KDM4C: variants seen among roughly 807,000 people sequenced by gnomAD.
KDM4C encodes lysine demethylase 4C, also known as lysine-specific demethylase 4C.
In KDM4C, 81 loss-of-function variants were observed where a neutral mutation model predicts 129.3. The ratio of observed to expected loss-of-function variants is 0.63; its 90% CI spans 0.52 to 0.75. KDM4C has a LOEUF of 0.75. Ranked by LOEUF, KDM4C falls within the 30% of genes least tolerant of loss-of-function variation. KDM4C has a pLI of 0.00. For synonymous variants in KDM4C, 573 were observed against 456.1 expected, an observed-to-expected ratio of 1.26 and a Z score of -3.26; for missense variants, 1,457 against 1,304.0, an observed-to-expected ratio of 1.12 and a Z score of -1.81.
chr9:6,883,816 G>A (rs1205610338), intron 6 of KDM4C, among the ~76,000 whole-genome samples: 2 of 152,092 alleles, frequency 1.3e-5, no homozygotes, highest in African/African-American at 4.8e-5. Flanking sequence ...TGATCCCAAT[G>A]TTCTTGGCTT....
chr9:6,850,770 T>C (rs1838696035), intron 5 of KDM4C, among the ~76,000 whole-genome samples: 6 of 151,554 alleles, frequency 4.0e-5, no homozygotes, highest in Admixed American at 3.9e-4. Flanking sequence ...TATTTATTTT[T>C]TCGAGACAGG....
intron 2 of KDM4C, among the ~76,000 whole-genome samples, chr9:6,804,545 G>C (rs1829615690): frequency 3.3e-5 from 5 of 151,900 alleles, no homozygotes; most frequent in Admixed American, 3.3e-4. Flanking sequence ...GGATCATGAG[G>C]TCAGGAGTTC....
chr9:6,814,641 C>T lies in KDM4C; in HGVS notation c.331C>T (p.Pro111Ser). Residue 111 changes from proline to serine, a missense_variant, in exon 4 of 22, where the codon CCA becomes TCA. Physicochemically the swap from Pro to Ser is moderately conservative, Grantham distance 74. Coordinates refer to ENST00000381309, the MANE Select transcript of KDM4C (RefSeq NM_015061.6). Reference protein sequence around the residue: ...QLANSGKYCTPRYLDYEDLER... With the variant: ...QLANSGKYCTSRYLDYEDLER... The stretch of plus-strand genomic sequence containing the variant: ...ATCTACCTTTTACAGATATTGTACT[C>T]CAAGATACTTGGATTACGAAGATTT... The T allele has an allele frequency of 6.2e-7, 1 of 1,601,116 alleles. No individual in the cohort carries two copies. The highest frequency in any genetic ancestry group is 8.5e-7 in the Non-Finnish European group (1 of 1,172,760).
At chr9:6,980,069 C>G (rs1364788259) in intron 8 of KDM4C, among the ~76,000 whole-genome samples, 1 of 152,082 alleles carries the variant, frequency 6.6e-6, no homozygotes, top group African/African-American at 2.4e-5. Flanking sequence ...CTTATTGTGT[C>G]AAAACTGTTC....
intron 19 of KDM4C, among the ~76,000 whole-genome samples, chr9:7,145,162 CATT>C (rs1353552351): frequency 2.1e-5 from 3 of 144,772 alleles, no homozygotes; most frequent in African/African-American, 7.7e-5. Context: ...AGGAAGCTGA[CATT>C]ATAGAGTTAA....
chr9:6,947,335 A>G lies in KDM4C; in HGVS notation c.922-33590A>G, dbSNP rs548786395. The stretch of plus-strand genomic sequence containing the variant: ...GAGAAACTGAACATTTCTCATCTTT[A>G]GTAGTCATTTTATGTTTTTAAAATT... On this transcript the variant is annotated intron_variant, in intron 8 of 21. Transcript: ENST00000381309. Among the ~76,000 whole-genome samples the G allele has an allele frequency of 2.0e-5, 3 of 152,250 alleles. No homozygotes were observed. In the East Asian group the frequency reaches 5.8e-4, roughly 29 times the overall value.
At chr9:6,834,336 G>A (rs1835461463) in intron 4 of KDM4C, 1 of 300,148 alleles carries the variant, frequency 3.3e-6, no homozygotes, top group Non-Finnish European at 6.6e-6. Context: ...CCATCTGGCC[G>A]ATAGTCTCTT....
At chr9:7,001,551 G>A (rs972506497) in intron 12 of KDM4C, among the ~76,000 whole-genome samples, 2 of 152,196 alleles carry the variant, frequency 1.3e-5, no homozygotes, top group Non-Finnish European at 2.9e-5. Flanking sequence ...CCTTATTTCT[G>A]TATGCTCCCC....
intron 8 of KDM4C, among the ~76,000 whole-genome samples, chr9:6,903,641 G>C (rs1244255870): frequency 6.6e-6 from 1 of 152,192 alleles, no homozygotes; most frequent in African/African-American, 2.4e-5. Context: ...CAATGATATA[G>C]GAATCATTGA....
At chr9:6,779,896 G>A (rs1182405769) in intron 1 of KDM4C, among the ~76,000 whole-genome samples, 1 of 152,072 alleles carries the variant, frequency 6.6e-6, no homozygotes, top group African/African-American at 2.4e-5. Context: ...TTGGTTCATT[G>A]GTGTAATCTT....
rs374244294 is a variant in KDM4C at position 7,128,234 on chromosome 9, G to C, written c.2779G>C (p.Val927Leu). 6.3e-7 allele frequency: 1 copy of C among 1,575,700 alleles called. No individual in the cohort carries two copies. Among genetic ancestry groups the C allele is most frequent in the Non-Finnish European group, 8.6e-7 (1 of 1,159,558 alleles). Reference protein sequence around the residue: ...FSRDTFPEDIVSRDCLKLGPP... With the variant: ...FSRDTFPEDILSRDCLKLGPP... ...CAGAGACACATTTCCTGAGGATATC[G>C]TGGTAAGTAGGCTTCCTTGAGTGCC... The change falls in exon 19 of 22, where the codon GTG (valine) becomes CTG (leucine). Residue 927 changes from valine to leucine, a missense_variant and splice_region_variant. By Grantham distance (32) the Val-to-Leu change is conservative. Coordinates refer to ENST00000381309, the MANE Select transcript of KDM4C (RefSeq NM_015061.6).
intron 6 of KDM4C, among the ~76,000 whole-genome samples, chr9:6,887,303 G>T (rs112095080): frequency 2.6e-5 from 4 of 152,192 alleles, no homozygotes; most frequent in African/African-American, 9.7e-5. Flanking sequence ...CTCTGTCTTG[G>T]CGTATAATAT....
At chr9:7,103,461 T>C (rs1464759765) in intron 17 of KDM4C, among the ~76,000 whole-genome samples, 1 of 152,228 alleles carries the variant, frequency 6.6e-6, no homozygotes, top group East Asian at 1.9e-4. Context: ...GTTAAACATA[T>C]GTCTGGCAGT....
At chr9:7,097,493 C>T (rs527250464) in intron 17 of KDM4C, among the ~76,000 whole-genome samples, 3 of 152,304 alleles carry the variant, frequency 2.0e-5, no homozygotes, top group African/African-American at 7.2e-5. Flanking sequence ...TCATGGGCTC[C>T]TCCATGACCT....
At chr9:6,849,921 A>G (rs969938450) in intron 5 of KDM4C, among the ~76,000 whole-genome samples, 1 of 152,216 alleles carries the variant, frequency 6.6e-6, no homozygotes, top group Non-Finnish European at 1.5e-5. Context: ...CTGTATAACA[A>G]TGTTTAGATC....
intron 8 of KDM4C, among the ~76,000 whole-genome samples, chr9:6,974,046 G>T (rs1021478123): frequency 2.0e-5 from 3 of 152,140 alleles, no homozygotes; most frequent in Non-Finnish European, 4.4e-5. Flanking sequence ...TGGTGGGCAG[G>T]ATACTGAATC....
At chr9:6,959,371 C>T (rs1232410859) in intron 8 of KDM4C, among the ~76,000 whole-genome samples, 1 of 152,198 alleles carries the variant, frequency 6.6e-6, no homozygotes, top group African/African-American at 2.4e-5. Context: ...TCTTCAGATA[C>T]TAGACTGTGG....
chr9:6,920,429 G>C (rs1194063952), intron 8 of KDM4C, among the ~76,000 whole-genome samples: 2 of 152,170 alleles, frequency 1.3e-5, no homozygotes, highest in Non-Finnish European at 2.9e-5. Flanking sequence ...TGGGCTTGGT[G>C]GTGGGCACCT....
At chr9:6,834,977 A>G in intron 4 of KDM4C, 1 of 987,406 alleles carries the variant, frequency 1.0e-6, no homozygotes. Flanking sequence ...CCCCCACACC[A>G]TCCTGCATCT....
Sources: gnomAD v4.1 joint callset for allele counts (sites outside exome capture counted in the v4.1 genomes callset) on GRCh38, gnomAD v4.1.1 for gene constraint, MANE v1.5 for transcripts, NCBI Gene and HGNC (gene_info 2026-07-23, HGNC 2026-07-21) for gene names.